PAPPA: variants seen among roughly 807,000 people sequenced by gnomAD.
The protein encoded by PAPPA is pappalysin-1.
A neutral mutation model predicts 164.0 loss-of-function variants in PAPPA; 60 were observed. That is an observed-to-expected ratio of 0.37 (90% confidence interval 0.30 to 0.45). PAPPA has a LOEUF of 0.45. PAPPA is among the 20% of genes least tolerant of loss of function. PAPPA has a pLI of 1.00. For synonymous variants in PAPPA, 875 were observed against 814.1 expected, an observed-to-expected ratio of 1.07 and a Z score of -1.27; for missense variants, 1,782 against 2,087.3, an observed-to-expected ratio of 0.85 and a Z score of 2.85.
intron 21 of PAPPA, among the ~76,000 whole-genome samples, chr9:116,389,315 T>C (rs1299667439): frequency 1.3e-5 from 2 of 152,040 alleles, no homozygotes; most frequent in Non-Finnish European, 2.9e-5. Context: ...GTATTTTTAG[T>C]AGAGACGGGG....
chr9:116,338,503 T>C (rs968683066), intron 13 of PAPPA, among the ~76,000 whole-genome samples: 3 of 152,164 alleles, frequency 2.0e-5, no homozygotes, highest in African/African-American at 7.2e-5. Context: ...ACCCCATGTG[T>C]AGAATATCTC....
At chr9:116,346,441 G>A (rs1846210641) in intron 14 of PAPPA, among the ~76,000 whole-genome samples, 2 of 152,062 alleles carry the variant, frequency 1.3e-5, no homozygotes, top group African/African-American at 4.8e-5. Flanking sequence ...TTTTGCCAAA[G>A]GGAGAACTCA....
chr9:116,211,294 G>A (rs1353571005), intron 3 of PAPPA, among the ~76,000 whole-genome samples: 1 of 152,228 alleles, frequency 6.6e-6, no homozygotes, highest in African/African-American at 2.4e-5. Context: ...TAAGGGAAAG[G>A]TTGCAGCAGA....
chr9:116,213,739 T>C (rs534762143), intron 4 of PAPPA, among the ~76,000 whole-genome samples: 1 of 152,112 alleles, frequency 6.6e-6, no homozygotes, highest in South Asian at 2.1e-4. Flanking sequence ...ACCCCTCAGC[T>C]CAGTGACCCA....
chr9:116,224,241 GT>G (rs1844478232), intron 5 of PAPPA, among the ~76,000 whole-genome samples: 1 of 152,206 alleles, frequency 6.6e-6, no homozygotes, highest in Non-Finnish European at 1.5e-5. Context: ...GCCACCCCTG[GT>G]TTTCCTAACT....
rs753889822 is a variant in PAPPA at position 116,235,508 on chromosome 9, T to A, written c.2603T>A (p.Met868Lys). 18 of 1,613,690 alleles carry A rather than the reference T, an allele frequency of 1.1e-5. No homozygotes were observed. Among genetic ancestry groups the A allele is most frequent in the Non-Finnish European group, 1.4e-5 (17 of 1,180,020 alleles). The change falls in exon 7 of 22, where the codon ATG (methionine) becomes AAG (lysine). Residue 868 changes from methionine to lysine, a missense_variant. Physicochemically the swap from Met to Lys is moderately conservative, Grantham distance 95 (BLOSUM62 -1). Coordinates refer to ENST00000328252, the MANE Select transcript of PAPPA (RefSeq NM_002581.5). ...LDEHLEIDAAMLTSTADTPLC... is the reference protein window; with the variant it reads ...LDEHLEIDAAKLTSTADTPLC... ...GAGCACCTGGAGATCGATGCTGCCATGTTGACCTCCACTGCAGACACCCCA... is the reference window on the plus strand; with the variant it reads ...GAGCACCTGGAGATCGATGCTGCCAAGTTGACCTCCACTGCAGACACCCCA...
chr9:116,285,171 C>CTTTTTTTT lies in PAPPA; in HGVS notation c.2953+13767_2953+13774dup. On this transcript the variant is annotated intron_variant, in intron 9 of 21. Coordinates refer to ENST00000328252, the MANE Select transcript of PAPPA (RefSeq NM_002581.5). Reference sequence around the variant, plus strand: ...CTTTTTCTTTTTCTTTTCTTTCTTTCTTTTTTTTTTTTTTTTTTTGACAGA... The same window carrying CTTTTTTTT: ...CTTTTTCTTTTTCTTTTCTTTCTTTCTTTTTTTTTTTTTTTTTTTTTTTTTTTGACAGA... 6.1e-3 allele frequency among the ~76,000 whole-genome samples: 541 copies of CTTTTTTTT among 89,410 alleles called. 6 individuals are homozygous for CTTTTTTTT. Among genetic ancestry groups the CTTTTTTTT allele is most frequent in the Non-Finnish European group, 7.8e-3 (381 of 49,122 alleles). The allele number at this position is 89,410 out of a possible 152,430, so 58.7% of individuals were successfully genotyped here.
At chr9:116,351,617 C>T (rs1283412157) in intron 15 of PAPPA, among the ~76,000 whole-genome samples, 2 of 152,158 alleles carry the variant, frequency 1.3e-5, no homozygotes. Context: ...TGTAGTTAGA[C>T]AGAATTTGTT....
At chr9:116,314,951 G>A (rs181840479) in intron 10 of PAPPA, among the ~76,000 whole-genome samples, 107 of 152,330 alleles carry the variant, frequency 7.0e-4, no homozygotes, top group African/African-American at 2.5e-3. Context: ...TGACCGGTTA[G>A]CAGCTAACGA....
At chr9:116,313,159 C>A (rs909369562) in intron 10 of PAPPA, among the ~76,000 whole-genome samples, 2 of 151,914 alleles carry the variant, frequency 1.3e-5, no homozygotes, top group East Asian at 3.9e-4. Context: ...GATCCAAGCA[C>A]CAGAGCACCC....
intron 5 of PAPPA, among the ~76,000 whole-genome samples, chr9:116,224,898 G>A (rs10983081): frequency 0.076 from 11,354 of 149,710 alleles, 873 homozygotes; most frequent in African/African-American, 0.21. Flanking sequence ...ATGTTTGTGT[G>A]TGTTTATGTG....
At position 116,332,421 on chromosome 9, in the gene PAPPA, C is replaced by T. The variant is rs774952120; in HGVS notation, c.3350C>T (p.Thr1117Ile). ...GTYYGDQKQETISVQLLDTKD... is the reference protein window; with the variant it reads ...GTYYGDQKQEIISVQLLDTKD... ...TATTATGGGGACCAAAAGCAGGAGACCATCAGCGTGCAGCTGCTTGATACC... is the reference window on the plus strand; with the variant it reads ...TATTATGGGGACCAAAAGCAGGAGATCATCAGCGTGCAGCTGCTTGATACC... The change falls in exon 12 of 22, where the codon ACC becomes ATC. Residue 1117 changes from threonine to isoleucine, a missense_variant. Physicochemically the swap from Thr to Ile is moderately conservative, Grantham distance 89. Coordinates refer to ENST00000328252, the MANE Select transcript of PAPPA (RefSeq NM_002581.5). 3.1e-6 allele frequency: 5 copies of T among 1,613,864 alleles called. No individual in the cohort carries two copies. The highest frequency in any genetic ancestry group is 2.2e-5 in the South Asian group (2 of 91,070).
At chr9:116,258,637 C>T (rs1403340433) in intron 7 of PAPPA, among the ~76,000 whole-genome samples, 1 of 151,190 alleles carries the variant, frequency 6.6e-6, no homozygotes, top group Non-Finnish European at 1.5e-5. Context: ...GCCTGGGCAA[C>T]AAGAGCAAAA....
chr9:116,262,706 T>C (rs539696496), intron 7 of PAPPA, among the ~76,000 whole-genome samples: 1 of 152,202 alleles, frequency 6.6e-6, no homozygotes, highest in African/African-American at 2.4e-5. Context: ...GGGCTTAGGG[T>C]CCATCTGAAT....
chr9:116,261,267 T>C (rs1844997888), intron 7 of PAPPA, among the ~76,000 whole-genome samples: 1 of 152,196 alleles, frequency 6.6e-6, no homozygotes, highest in South Asian at 2.1e-4. Flanking sequence ...AGTTTAGTTA[T>C]AGAGACTATT....
At chr9:116,176,297 G>A (rs543967914) in intron 1 of PAPPA, among the ~76,000 whole-genome samples, 6 of 152,300 alleles carry the variant, frequency 3.9e-5, no homozygotes, top group African/African-American at 1.2e-4. Context: ...GAGAGCATCA[G>A]AGAAAGAGGT....
At chr9:116,394,736 C>A (rs1426989310) in intron 21 of PAPPA, among the ~76,000 whole-genome samples, 2 of 152,154 alleles carry the variant, frequency 1.3e-5, no homozygotes, top group Non-Finnish European at 2.9e-5. Flanking sequence ...TAGCTGTGAG[C>A]AAGAAGAGAG....
At chr9:116,390,697 CT>C (rs5900208) in intron 21 of PAPPA, among the ~76,000 whole-genome samples, 58,945 of 151,804 alleles carry the variant, frequency 0.39, 11,879 homozygotes, top group Middle Eastern at 0.44. Context: ...CTGCCTCCCC[CT>C]GCCCCCCGCT....
chr9:116,318,545 C>T (rs1845815012), intron 10 of PAPPA: 1 of 152,072 alleles, frequency 6.6e-6, no homozygotes, highest in African/African-American at 2.4e-5. Flanking sequence ...TGCCTCTCAC[C>T]CTGTAAGAAT....
Sources: gnomAD v4.1 joint callset for allele counts (sites outside exome capture counted in the v4.1 genomes callset) on GRCh38, gnomAD v4.1.1 for gene constraint, MANE v1.5 for transcripts, NCBI Gene and HGNC (gene_info 2026-07-23, HGNC 2026-07-21) for gene names.